Variants in PRKACB observed in about 807,000 individuals in gnomAD.
The protein encoded by PRKACB is protein kinase cAMP-activated catalytic subunit beta, also known as cAMP-dependent protein kinase catalytic subunit beta.
In PRKACB, 16 loss-of-function variants were observed where a neutral mutation model predicts 51.4. The ratio of observed to expected loss-of-function variants is 0.31; its 90% confidence interval spans 0.21 to 0.47. PRKACB has a LOEUF of 0.47. PRKACB is among the 20% of genes least tolerant of loss of function. PRKACB has a pLI of 1.00. For synonymous variants in PRKACB, 147 were observed against 154.4 expected (o/e 0.95, Z 0.35); for missense variants, 309 against 464.5 (o/e 0.67, Z 3.08).
At chr1:84,231,807 T>G (rs1183879415) in intron 9 of PRKACB, among the ~76,000 whole-genome samples, 7 of 151,984 alleles carry the variant, frequency 4.6e-5, no homozygotes, top group African/African-American at 1.7e-4. Context: ...TTGATTCTTC[T>G]CTCTTTTTTC....
chr1:84,149,997 G>A (rs906058759), intron 1 of PRKACB, among the ~76,000 whole-genome samples: 3 of 152,144 alleles, frequency 2.0e-5, no homozygotes, highest in Admixed American at 1.3e-4. Flanking sequence ...AGGTGTGGTG[G>A]CTCACGCCTG....
In PRKACB at chr1:84,184,055, A is replaced by C; in HGVS notation, c.397A>C (p.Ile133Leu). The part of the protein sequence containing the change: ...DKQKVVKLKQ[I>L]EHTLNEKRIL... ...ATTACAGGTTGTTAAACTGAAGCAA[A>C]TAGAGCATACTTTGAATGAGAAAAG... The change falls in exon 4 of 10, where the codon ATA becomes CTA. Residue 133 changes from isoleucine to leucine, a missense_variant. By Grantham distance (5) the Ile-to-Leu change is conservative (BLOSUM62 2). Coordinates refer to ENST00000370685, the MANE Select transcript of PRKACB (RefSeq NM_182948.4). The C allele has an allele frequency of 1.9e-6, 3 of 1,597,164 alleles. No individual in the cohort carries two copies. The highest frequency in any genetic ancestry group is 2.6e-6 in the Non-Finnish European group (3 of 1,171,826).
At chr1:84,103,299 C>T (rs368510901) in intron 1 of PRKACB, among the ~76,000 whole-genome samples, 2 of 151,830 alleles carry the variant, frequency 1.3e-5, no homozygotes, top group Non-Finnish European at 2.9e-5. Context: ...ATGCTAGATC[C>T]GTTACAGGGT....
At chr1:84,137,308 A>G (rs1269349117) in intron 1 of PRKACB, among the ~76,000 whole-genome samples, 1 of 152,222 alleles carries the variant, frequency 6.6e-6, no homozygotes, top group East Asian at 1.9e-4. Flanking sequence ...AAAAGTCTGT[A>G]TACTTTATAA....
chr1:84,185,736 G>A (rs1198776899), intron 5 of PRKACB, among the ~76,000 whole-genome samples: 3 of 152,002 alleles, frequency 2.0e-5, no homozygotes, highest in African/African-American at 7.2e-5. Context: ...TATTAAAATA[G>A]GTTATAGAAT....
chr1:84,088,486 G>A (rs1356404287), intron 1 of PRKACB, among the ~76,000 whole-genome samples: 1 of 152,090 alleles, frequency 6.6e-6, no homozygotes. Flanking sequence ...GCATCAGCAG[G>A]CCATTGTTAT....
At chr1:84,211,478 G>C (rs1413436813) in intron 8 of PRKACB, among the ~76,000 whole-genome samples, 4 of 152,120 alleles carry the variant, frequency 2.6e-5, no homozygotes, top group Non-Finnish European at 5.9e-5. Flanking sequence ...TTTTAAAGTA[G>C]ACAGTGTGCC....
exon 1 of PRKACB, chr1:84,078,255 G>T: frequency 2.5e-5 from 39 of 1,544,648 alleles, no homozygotes; most frequent in Non-Finnish European, 3.4e-5. Context: ...AGTTGTCCCA[G>T]ACTGTGGAGT....
intron 3 of PRKACB, 115 bp downstream of exon 3, chr1:84,182,443 T>A: frequency 1.3e-6 from 1 of 793,640 alleles, no homozygotes; most frequent in Non-Finnish European, 1.7e-6. Flanking sequence ...ATTTTATTAT[T>A]AAATTTAATT....
chr1:84,118,009 A>G (rs1557961911), intron 1 of PRKACB, among the ~76,000 whole-genome samples: 1 of 152,194 alleles, frequency 6.6e-6, no homozygotes, highest in Non-Finnish European at 1.5e-5. Context: ...GTGAGCCAGC[A>G]TGAATTCCTT....
intron 9 of PRKACB, 82 bp downstream of exon 9, chr1:84,214,399 A>T (rs1366080393): frequency 7.8e-7 from 1 of 1,287,750 alleles, no homozygotes; most frequent in Non-Finnish European, 1.0e-6. Context: ...TCAACTTAAC[A>T]CATAGTTTTA....
chr1:84,225,909 C>G (rs1415274260), intron 9 of PRKACB, among the ~76,000 whole-genome samples: 1 of 152,188 alleles, frequency 6.6e-6, no homozygotes, highest in Middle Eastern at 3.2e-3. Flanking sequence ...TGCTAAATTT[C>G]AGTGTTCTCT....
chr1:84,210,937 C>A (rs1311642402), intron 8 of PRKACB, among the ~76,000 whole-genome samples: 1 of 152,104 alleles, frequency 6.6e-6, no homozygotes, highest in East Asian at 1.9e-4. Flanking sequence ...TTCATTATTT[C>A]TCCCCCAAAA....
At chr1:84,200,161 T>G (rs1314568815) in intron 7 of PRKACB, among the ~76,000 whole-genome samples, 3 of 152,152 alleles carry the variant, frequency 2.0e-5, no homozygotes, top group Admixed American at 6.6e-5. Context: ...TTTTACTTTT[T>G]AGTAATAGCC....
chr1:84,184,736 C>G (rs527558053), intron 4 of PRKACB, among the ~76,000 whole-genome samples: 3 of 151,818 alleles, frequency 2.0e-5, no homozygotes, highest in Non-Finnish European at 4.4e-5. Context: ...AACCATTAAT[C>G]TTTTATACAT....
At chr1:84,156,248 G>A (rs1372806292) in intron 1 of PRKACB, among the ~76,000 whole-genome samples, 1 of 151,964 alleles carries the variant, frequency 6.6e-6, no homozygotes, top group East Asian at 1.9e-4. Context: ...TCCTGTATTG[G>A]CCTCCTAAAG....
At position 84,236,721 on chromosome 1, in the gene PRKACB, G is replaced by T. The variant is rs571336316; in HGVS notation, c.*1416G>T. ...AATTTCAAGCACTTTTGCACATTTA[G>T]TTCAGTGTTTGTTGAGAATCCATGG... On this transcript the variant is annotated 3_prime_UTR_variant, in exon 10 of 10. Transcript: ENST00000370685. 1 of 152,548 alleles carries T rather than the reference G, an allele frequency of 6.6e-6. No individual in the cohort carries two copies. Among genetic ancestry groups the T allele is most frequent in the East Asian group, 1.9e-4 (1 of 5,190 alleles). The allele number at this position is 152,548 out of a possible 1,614,324, so 9.4% of individuals were successfully genotyped here. A position where few individuals can be genotyped will look rare whatever the true frequency, so the allele number is the denominator to read the frequency against.
upstream of PRKACB, among the ~76,000 whole-genome samples, chr1:84,142,850 ATT>A (rs1653559418): frequency 6.6e-6 from 1 of 152,132 alleles, no homozygotes; most frequent in African/African-American, 2.4e-5. Context: ...TGTAGTCCTA[ATT>A]TGATTACATT....
intron 8 of PRKACB, among the ~76,000 whole-genome samples, chr1:84,206,356 C>T (rs1419020597): frequency 6.6e-6 from 1 of 152,104 alleles, no homozygotes; most frequent in Non-Finnish European, 1.5e-5. Context: ...AATTGCTATT[C>T]CTTTCTGTCT....
Sources: gnomAD v4.1 joint callset for allele counts (sites outside exome capture counted in the v4.1 genomes callset) on GRCh38, gnomAD v4.1.1 for gene constraint, MANE v1.5 for transcripts, NCBI Gene and HGNC (gene_info 2026-07-23, HGNC 2026-07-21) for gene names.